Variants in NEBL observed in about 807,000 individuals in gnomAD.
The protein encoded by NEBL is LIM and SH3 protein 2.
A neutral mutation model predicts 140.2 loss-of-function variants in NEBL; 122 were observed. That is an observed-to-expected ratio of 0.87 (90% CI 0.75 to 1.01). The LOEUF is 1.01. Ranked by LOEUF, NEBL falls within the 50% of genes least tolerant of loss-of-function variation. The probability of loss-of-function intolerance (pLI) is 0.00; values close to 1 mark genes in which losing one functional copy is unlikely to be tolerated. For missense variants in NEBL, 1,365 were observed against 1,231.3 expected (o/e 1.11, Z -1.62); for synonymous variants, 436 against 398.9 (o/e 1.09, Z -1.11).
chr10:20,899,687 A>G (rs1369468352), upstream of NEBL: 2 of 296,300 alleles, frequency 6.7e-6, no homozygotes, highest in Non-Finnish European at 1.3e-5. Context: ...CACTAGGATC[A>G]GAACCTAACT....
intron 5 of NEBL, among the ~76,000 whole-genome samples, chr10:20,874,315 C>T (rs906968313): frequency 4.6e-5 from 7 of 152,172 alleles, no homozygotes; most frequent in African/African-American, 1.7e-4. Context: ...TTCATGTTGA[C>T]TTAGGCTGTC....
rs913582446 is a variant in NEBL, at chr10:21,136,767, T to C, written c.164+35616A>G. Among the ~76,000 whole-genome samples the C allele has an allele frequency of 7.9e-5, 12 of 152,280 alleles. No individual in the cohort carries two copies. In the East Asian group the frequency reaches 2.3e-3, roughly 29 times the overall value. ...TTCTCCTTCCCAAACCAGCAAATATTTTATTCACACAGTACATTGCAGTTT... is the reference window on the plus strand; with the variant it reads ...TTCTCCTTCCCAAACCAGCAAATATCTTATTCACACAGTACATTGCAGTTT... On this transcript the variant is annotated intron_variant, in intron 2 of 6. Transcript: ENST00000417816.
At chr10:21,144,319 C>A (rs1219119919) in intron 2 of NEBL, among the ~76,000 whole-genome samples, 1 of 152,262 alleles carries the variant, frequency 6.6e-6, no homozygotes, top group African/African-American at 2.4e-5. Context: ...CGTTCCCCTT[C>A]CTTAACCCAG....
chr10:20,812,350 C>A (rs142105680), intron 24 of NEBL, among the ~76,000 whole-genome samples: 1,989 of 151,920 alleles, frequency 0.013, 47 homozygotes, highest in African/African-American at 0.046. Flanking sequence ...ACTTGAAGTT[C>A]TAGGGTACAT....
At chr10:21,230,557 G>A (rs1310712464) in intron 3 of NEBL, among the ~76,000 whole-genome samples, 1 of 151,066 alleles carries the variant, frequency 6.6e-6, no homozygotes, top group Non-Finnish European at 1.5e-5. Context: ...GAAAATGGAG[G>A]AACTCTACTT....
At chr10:21,000,404 C>T (rs1015138656) in intron 3 of NEBL, among the ~76,000 whole-genome samples, 1 of 152,030 alleles carries the variant, frequency 6.6e-6, no homozygotes, top group Non-Finnish European at 1.5e-5. Context: ...TCTGGTCCCC[C>T]CATTAGTCCC....
In NEBL at chr10:20,935,253, A is replaced by G. The variant is rs114545555; in HGVS notation, c.357+26419T>C. Among the ~76,000 whole-genome samples, 1,171 of 152,346 alleles carry G rather than the reference A, an allele frequency of 7.7e-3. 12 individuals are homozygous for G. The highest frequency in any genetic ancestry group is 0.027 in the African/African-American group (1,104 of 41,576). On this transcript the variant is annotated intron_variant, in intron 4 of 6. Coordinates refer to the NEBL transcript ENST00000417816. ...TGTATAATACACAACATGGGTATCA[A>G]TAACAAAGATCACAACATAGATTCA...
chr10:20,939,751 A>C (rs1303463393), intron 4 of NEBL, among the ~76,000 whole-genome samples: 4 of 152,316 alleles, frequency 2.6e-5, no homozygotes, highest in African/African-American at 9.6e-5. Context: ...TCTACCAAGC[A>C]AATGGAAAAT....
chr10:20,958,032 T>C (rs1835885888), intron 4 of NEBL, among the ~76,000 whole-genome samples: 1 of 152,198 alleles, frequency 6.6e-6, no homozygotes, highest in Non-Finnish European at 1.5e-5. Context: ...CTGGCGATGG[T>C]TGTGCTTTGA....
At chr10:20,799,829 G>A (rs1475595555) in intron 26 of NEBL, among the ~76,000 whole-genome samples, 1 of 152,096 alleles carries the variant, frequency 6.6e-6, no homozygotes, top group East Asian at 1.9e-4. Context: ...TAAAGCTCAT[G>A]TATATTTGAA....
chr10:21,113,206 C>T (rs1838117620), intron 2 of NEBL: 1 of 311,738 alleles, frequency 3.2e-6, no homozygotes, highest in African/African-American at 2.6e-5. Context: ...ATATGAGATG[C>T]TCCAGCCAAA....
intron 3 of NEBL, among the ~76,000 whole-genome samples, chr10:21,013,766 T>C (rs539670893): frequency 3.3e-5 from 5 of 152,288 alleles, no homozygotes; most frequent in African/African-American, 1.2e-4. Context: ...TAATCCCATC[T>C]ACTCGGGAGG....
chr10:20,840,656 G>T, intron 13 of NEBL, 83 bp downstream of exon 13: 1 of 901,610 alleles, frequency 1.1e-6, no homozygotes, highest in Non-Finnish European at 1.8e-6. Flanking sequence ...AGTTATAGAT[G>T]TATAGAACCT....
At chr10:20,896,586 A>G (rs923524002) in intron 2 of NEBL, among the ~76,000 whole-genome samples, 3 of 149,320 alleles carry the variant, frequency 2.0e-5, no homozygotes, top group Admixed American at 6.7e-5. Flanking sequence ...TGTTAAAAAA[A>G]TGACTATTCA....
intron 2 of NEBL, among the ~76,000 whole-genome samples, chr10:21,148,211 T>A (rs1445673798): frequency 1.3e-5 from 2 of 152,216 alleles, no homozygotes; most frequent in Non-Finnish European, 2.9e-5. Flanking sequence ...TGTCCCAGCT[T>A]CTTCTCAAAT....
At chr10:21,075,089 A>G (rs1836004147) in intron 2 of NEBL, among the ~76,000 whole-genome samples, 1 of 152,222 alleles carries the variant, frequency 6.6e-6, no homozygotes, top group East Asian at 1.9e-4. Flanking sequence ...TGCAGGTGTG[A>G]GCCACGACAC....
intron 1 of NEBL, among the ~76,000 whole-genome samples, chr10:21,257,697 A>C (rs922990765): frequency 6.6e-6 from 1 of 152,078 alleles, no homozygotes; most frequent in African/African-American, 2.4e-5. Flanking sequence ...CATCCTGGCT[A>C]ACACAGTGAA....
chr10:20,990,981 T>C (rs1488370504), intron 3 of NEBL, among the ~76,000 whole-genome samples: 1 of 152,180 alleles, frequency 6.6e-6, no homozygotes, highest in East Asian at 1.9e-4. Flanking sequence ...TTGCACGCTG[T>C]CCATCAATCA....
At chr10:20,974,894 CTT>C (rs1836726992) in intron 3 of NEBL, among the ~76,000 whole-genome samples, 1 of 152,162 alleles carries the variant, frequency 6.6e-6, no homozygotes, top group Non-Finnish European at 1.5e-5. Flanking sequence ...AAATCCCAAA[CTT>C]TGTTAACATT....
Sources: allele counts gnomAD v4.1 joint callset (sites outside exome capture counted in the v4.1 genomes callset), GRCh38; gene constraint gnomAD v4.1.1; transcripts MANE v1.5; gene names NCBI Gene and HGNC (gene_info 2026-07-23, HGNC 2026-07-21).